PSD3: variants seen among roughly 807,000 people sequenced by gnomAD.
The protein encoded by PSD3 is PH and SEC7 domain-containing protein 3.
Under a neutral mutation model 105.5 loss-of-function variants are expected in PSD3, and 49 were observed. The ratio of observed to expected loss-of-function variants is 0.46; its 90% CI spans 0.37 to 0.59. PSD3 has a LOEUF of 0.59. Ranked by LOEUF, PSD3 falls within the 20% of genes least tolerant of loss-of-function variation. The pLI is 0.00. For synonymous variants in PSD3, 557 were observed against 457.8 expected (o/e 1.22, Z -2.77); for missense variants, 1,561 against 1,263.8 (o/e 1.24, Z -3.57).
intron 2 of PSD3, among the ~76,000 whole-genome samples, chr8:18,901,124 G>A (rs1346693400): frequency 3.3e-5 from 5 of 152,060 alleles, no homozygotes; most frequent in Non-Finnish European, 7.3e-5. Flanking sequence ...GATTAAACTA[G>A]TATCTACATA....
chr8:18,634,359 G>A lies in PSD3; in HGVS notation c.2217-1553C>T, dbSNP rs537626674. ...TGGATATTTTACTTTTATTTTGAAA[G>A]AATTTTAGATTTGTGAAGGACAGGA... On this transcript the variant is annotated intron_variant, in intron 10 of 15. Transcript: ENST00000327040. Among the ~76,000 whole-genome samples the A allele has an allele frequency of 5.3e-5, 8 of 152,094 alleles. No individual in the cohort carries two copies. In the East Asian group the frequency reaches 1.4e-3, roughly 26 times the overall value.
chr8:18,968,717 A>G (rs535966219), intron 1 of PSD3, among the ~76,000 whole-genome samples: 1 of 152,210 alleles, frequency 6.6e-6, no homozygotes, highest in East Asian at 1.9e-4. Context: ...TCTAATAAAA[A>G]TACAAAAAAT....
chr8:18,962,553 T>C (rs943979388), intron 1 of PSD3, among the ~76,000 whole-genome samples: 1 of 152,182 alleles, frequency 6.6e-6, no homozygotes, highest in Non-Finnish European at 1.5e-5. Flanking sequence ...AAATGCCTTT[T>C]TTTACAAAGT....
At chr8:18,859,503 T>C (rs1016161475) in intron 4 of PSD3, among the ~76,000 whole-genome samples, 10 of 152,220 alleles carry the variant, frequency 6.6e-5, no homozygotes, top group Non-Finnish European at 1.3e-4. Flanking sequence ...TCGTACTCTC[T>C]AGCTAAGAAA....
At chr8:19,057,298 C>T (rs76232685) in intron 1 of PSD3, among the ~76,000 whole-genome samples, 1 of 152,308 alleles carries the variant, frequency 6.6e-6, no homozygotes, top group East Asian at 1.9e-4. Flanking sequence ...TACTGCTCTT[C>T]AGCCTACTAG....
intron 2 of PSD3, among the ~76,000 whole-genome samples, chr8:18,928,576 T>C (rs1821525194): frequency 6.6e-6 from 1 of 152,184 alleles, no homozygotes; most frequent in Non-Finnish European, 1.5e-5. Flanking sequence ...AATGATTCCA[T>C]TTATATGAAG....
chr8:18,761,452 T>C (rs1264473756), intron 9 of PSD3, among the ~76,000 whole-genome samples: 1 of 152,220 alleles, frequency 6.6e-6, no homozygotes, highest in Non-Finnish European at 1.5e-5. Context: ...ATACTTACTA[T>C]ATGTGAGGAC....
At chr8:18,592,611 G>A (rs1803693347) in intron 12 of PSD3, among the ~76,000 whole-genome samples, 1 of 152,148 alleles carries the variant, frequency 6.6e-6, no homozygotes, top group Non-Finnish European at 1.5e-5. Context: ...CAAAAGAAAA[G>A]TGATTGGTCT....
chr8:18,885,068 C>T (rs573849889), intron 2 of PSD3, among the ~76,000 whole-genome samples: 1 of 152,178 alleles, frequency 6.6e-6, no homozygotes, highest in Non-Finnish European at 1.5e-5. Context: ...CCTTTTTCAA[C>T]CAGTGGGGTT....
chr8:19,036,666 T>A (rs1323504238), intron 1 of PSD3, among the ~76,000 whole-genome samples: 2 of 152,146 alleles, frequency 1.3e-5, no homozygotes, highest in African/African-American at 4.8e-5. Context: ...GGAAATCTTA[T>A]CCATGCGTAA....
At chr8:18,543,574 C>A (rs577835449) in intron 15 of PSD3, among the ~76,000 whole-genome samples, 1 of 151,546 alleles carries the variant, frequency 6.6e-6, no homozygotes, top group Non-Finnish European at 1.5e-5. Context: ...GCTTAGATCA[C>A]GCCACTGCAC....
chr8:18,702,513 C>G (rs1077530), intron 9 of PSD3, among the ~76,000 whole-genome samples: 111,324 of 152,158 alleles, frequency 0.73, 43,359 homozygotes, highest in Non-Finnish European at 0.89. Flanking sequence ...GTGCAATGAT[C>G]AAGTCAGGGT....
At chr8:18,853,187 G>C (rs1487036869) in intron 4 of PSD3, among the ~76,000 whole-genome samples, 1 of 152,032 alleles carries the variant, frequency 6.6e-6, no homozygotes, top group Non-Finnish European at 1.5e-5. Context: ...AGGCAAAATT[G>C]TTATACTGAT....
intron 12 of PSD3, among the ~76,000 whole-genome samples, chr8:18,590,627 T>C (rs938048826): frequency 2.0e-5 from 3 of 152,132 alleles, no homozygotes; most frequent in African/African-American, 7.2e-5. Flanking sequence ...CCTAGGAATC[T>C]TAAGAAAATA....
rs183389522 is a variant in PSD3 at position 18,829,886 on chromosome 8, T to C, written c.1635-24988A>G. Among the ~76,000 whole-genome samples, 292 of 152,258 alleles carry C rather than the reference T, an allele frequency of 1.9e-3. 1 individual carries two copies. The highest frequency in any genetic ancestry group is 2.8e-3 in the Non-Finnish European group (189 of 67,998). ...CACAGGGCCTGATAGTAAAAAATAATAAATAAAAATAAAAAATAATAATCA... is the reference window on the plus strand; with the variant it reads ...CACAGGGCCTGATAGTAAAAAATAACAAATAAAAATAAAAAATAATAATCA... On this transcript the variant is annotated intron_variant, in intron 4 of 15. Coordinates refer to ENST00000327040, the MANE Select transcript of PSD3 (RefSeq NM_015310.4).
rs71217386 is a variant in PSD3 at position 18,582,816 on chromosome 8, C to CTTTTTTTTTTT, written c.2482-7542_2482-7532dup. Among the ~76,000 whole-genome samples the CTTTTTTTTTTT allele has an allele frequency of 2.1e-4, 26 of 125,462 alleles. 1 individual carries two copies. Among genetic ancestry groups the CTTTTTTTTTTT allele is most frequent in the Non-Finnish European group, 3.3e-4 (20 of 61,462 alleles). The allele number at this position is 125,462 out of a possible 152,430, so 82.3% of individuals were successfully genotyped here. A position where few individuals can be genotyped will look rare whatever the true frequency, so the allele number is the denominator to read the frequency against. On this transcript the variant is annotated intron_variant, in intron 12 of 15. Coordinates refer to ENST00000327040, the MANE Select transcript of PSD3 (RefSeq NM_015310.4). ...TTCTCCAACCTGCAGCCACACTGATCTTTTTTTTTTTTTTTTTTTTTTTTT... is the reference window on the plus strand; with the variant it reads ...TTCTCCAACCTGCAGCCACACTGATCTTTTTTTTTTTTTTTTTTTTTTTTTTTTTTTTTTTT...
chr8:18,923,272 G>C (rs1159944529), intron 2 of PSD3, among the ~76,000 whole-genome samples: 1 of 152,204 alleles, frequency 6.6e-6, no homozygotes, highest in Non-Finnish European at 1.5e-5. Flanking sequence ...TGGGCTGCAT[G>C]TGGCCCATGG....
intron 8 of PSD3, among the ~76,000 whole-genome samples, chr8:18,780,454 G>A (rs1808498397): frequency 6.6e-6 from 1 of 151,926 alleles, no homozygotes. Context: ...GTCATTTTGT[G>A]AATTATTTTT....
intron 4 of PSD3, among the ~76,000 whole-genome samples, chr8:18,812,903 G>C (rs532543420): frequency 6.6e-6 from 1 of 152,226 alleles, no homozygotes; most frequent in Non-Finnish European, 1.5e-5. Context: ...CACACAGGAA[G>C]TCACTATAGG....
Sources: gnomAD v4.1 joint callset for allele counts (sites outside exome capture counted in the v4.1 genomes callset) on GRCh38, gnomAD v4.1.1 for gene constraint, MANE v1.5 for transcripts, NCBI Gene and HGNC (gene_info 2026-07-23, HGNC 2026-07-21) for gene names.